Variants in CHN2 observed in about 807,000 individuals in gnomAD.
CHN2 encodes the protein chimerin 2, also known as beta-chimaerin.
In CHN2, 35 loss-of-function variants were observed where a neutral mutation model predicts 56.3. That is an observed-to-expected ratio of 0.62 (90% CI 0.47 to 0.82). The LOEUF (loss-of-function observed/expected upper bound fraction) is 0.82. Among genes scored for constraint, CHN2 ranks in the 40% least tolerant of loss-of-function variants. The pLI is 0.00. For synonymous variants in CHN2, 210 were observed against 212.8 expected (o/e 0.99, Z 0.12); for missense variants, 491 against 580.5 (o/e 0.85, Z 1.58).
intron 6 of CHN2, among the ~76,000 whole-genome samples, chr7:29,461,638 C>T (rs1008862778): frequency 2.6e-5 from 4 of 152,224 alleles, no homozygotes; most frequent in Non-Finnish European, 5.9e-5. Flanking sequence ...TTAGAGATGT[C>T]AGACTTCCTA....
At chr7:29,356,849 A>G (rs549748918) in intron 2 of CHN2, among the ~76,000 whole-genome samples, 25 of 152,348 alleles carry the variant, frequency 1.6e-4, no homozygotes, top group Admixed American at 4.6e-4. Flanking sequence ...GAGCTCTGAC[A>G]GTAAATCAAC....
intron 1 of CHN2, among the ~76,000 whole-genome samples, chr7:29,334,264 T>C (rs1348484506): frequency 6.6e-6 from 1 of 152,034 alleles, no homozygotes; most frequent in Admixed American, 6.5e-5. Flanking sequence ...TTGGCCAGAC[T>C]GGTCTCAAAC....
intron 6 of CHN2, among the ~76,000 whole-genome samples, chr7:29,459,084 AT>A (rs1784968123): frequency 6.6e-6 from 1 of 152,100 alleles, no homozygotes; most frequent in East Asian, 1.9e-4. Context: ...GTAGTTTCAG[AT>A]TTTCTCGGGA....
At chr7:29,174,675 A>G (rs546030273) in intron 2 of CHN2, among the ~76,000 whole-genome samples, 1 of 152,306 alleles carries the variant, frequency 6.6e-6, no homozygotes, top group East Asian at 1.9e-4. Context: ...AGCCTGGCCA[A>G]CATGGTGAAA....
intron 2 of CHN2, among the ~76,000 whole-genome samples, chr7:29,164,581 GA>G (rs1795644860): frequency 6.6e-6 from 1 of 151,824 alleles, no homozygotes; most frequent in African/African-American, 2.4e-5. Flanking sequence ...ACTCAGAAGA[GA>G]CCAGCCTGAG....
At chr7:29,180,538 C>T (rs1161841682) in intron 2 of CHN2, among the ~76,000 whole-genome samples, 4 of 145,884 alleles carry the variant, frequency 2.7e-5, no homozygotes, top group African/African-American at 1.0e-4. Context: ...AGCAAGACTC[C>T]ATCTCAAAAA....
At chr7:29,395,950 G>A (rs1290347952) in intron 4 of CHN2, among the ~76,000 whole-genome samples, 1 of 152,064 alleles carries the variant, frequency 6.6e-6, no homozygotes, top group Non-Finnish European at 1.5e-5. Flanking sequence ...AGAGGCTTTC[G>A]AATGTTCCTA....
intron 1 of CHN2, among the ~76,000 whole-genome samples, chr7:29,197,079 C>A (rs1276784275): frequency 6.6e-6 from 1 of 152,144 alleles, no homozygotes; most frequent in Non-Finnish European, 1.5e-5. Flanking sequence ...ATGAATAATT[C>A]AGATGACACA....
chr7:29,210,257 T>C (rs1186676346), intron 1 of CHN2, among the ~76,000 whole-genome samples: 1 of 152,192 alleles, frequency 6.6e-6, no homozygotes, highest in East Asian at 1.9e-4. Flanking sequence ...GCACCCAGCC[T>C]GTAAGACATG....
intron 4 of CHN2, 105 bp downstream of exon 4, chr7:29,393,815 A>G (rs1276680980): frequency 5.2e-6 from 2 of 384,018 alleles, no homozygotes; most frequent in Admixed American, 9.8e-5. Context: ...TCATATGTCT[A>G]TTGTGCAAGA....
intron 1 of CHN2, among the ~76,000 whole-genome samples, chr7:29,252,505 C>T (rs561987622): frequency 6.1e-5 from 9 of 147,734 alleles, no homozygotes; most frequent in Non-Finnish European, 9.0e-5. Flanking sequence ...CAGGATTACA[C>T]GAGATAGTCT....
intron 8 of CHN2, 125 bp from the exon 9 acceptor site, chr7:29,499,742 A>G: frequency 5.0e-6 from 4 of 792,262 alleles, no homozygotes; most frequent in Non-Finnish European, 7.9e-6. Flanking sequence ...TAGAAACGGG[A>G]TAGATGTTCC....
At chr7:29,212,214 A>G (rs539025726) in intron 1 of CHN2, 4 of 659,608 alleles carry the variant, frequency 6.1e-6, no homozygotes, top group South Asian at 3.9e-5. Flanking sequence ...ATATTTCTCT[A>G]ACATCTTCCA....
At chr7:29,422,623 A>G (rs1804461525) in intron 6 of CHN2, among the ~76,000 whole-genome samples, 1 of 152,278 alleles carries the variant, frequency 6.6e-6, no homozygotes, top group South Asian at 2.1e-4. Context: ...AGCAAAACAA[A>G]TTAGTAAACT....
intron 5 of CHN2, chr7:29,400,277 C>T (rs1802095059): frequency 4.0e-6 from 2 of 496,126 alleles, no homozygotes; most frequent in Non-Finnish European, 7.5e-6. Flanking sequence ...GGGGTTAAGC[C>T]CCACCTCTGC....
intron 1 of CHN2, among the ~76,000 whole-genome samples, chr7:29,259,923 T>C (rs1400232270): frequency 6.6e-6 from 1 of 152,124 alleles, no homozygotes; most frequent in Non-Finnish European, 1.5e-5. Flanking sequence ...TAATGAAAAA[T>C]GATTACCCCT....
At chr7:29,289,539 C>A (rs894987461) in intron 1 of CHN2, among the ~76,000 whole-genome samples, 10 of 152,156 alleles carry the variant, frequency 6.6e-5, no homozygotes, top group African/African-American at 2.2e-4. Context: ...GGAAAACAGG[C>A]GAACATTGGA....
chr7:29,509,607 G>T (rs962969196), intron 12 of CHN2: 3 of 428,134 alleles, frequency 7.0e-6, no homozygotes, highest in Non-Finnish European at 1.3e-5. Context: ...CACTTTGGGA[G>T]GCCGAGGTGG....
At chr7:29,183,535 C>G (rs1798331776) in intron 2 of CHN2, among the ~76,000 whole-genome samples, 2 of 151,092 alleles carry the variant, frequency 1.3e-5, no homozygotes, top group South Asian at 2.1e-4. Flanking sequence ...TGCCACCACA[C>G]CTGGCTAACT....
Sources: allele counts gnomAD v4.1 joint callset (sites outside exome capture counted in the v4.1 genomes callset), GRCh38; gene constraint gnomAD v4.1.1; transcripts MANE v1.5; gene names NCBI Gene and HGNC (gene_info 2026-07-23, HGNC 2026-07-21).